Variants in SMPX observed in about 807,000 individuals in gnomAD.
SMPX encodes the protein small muscle protein X-linked.
Under a neutral mutation model 6.3 loss-of-function variants are expected in SMPX, and 2 were observed. That is an observed-to-expected ratio of 0.32 (90% CI 0.13 to 0.99). SMPX has a LOEUF of 0.99. Among genes scored for constraint, SMPX ranks in the 50% least tolerant of loss-of-function variants. The pLI is 0.49. For missense variants in SMPX, 60 were observed against 66.8 expected, an observed-to-expected ratio of 0.90 and a Z score of 0.36; for synonymous variants, 32 against 24.7, an observed-to-expected ratio of 1.30 and a Z score of -0.88.
chrX:21,749,320 A>G (rs965183892), intron 2 of SMPX, among the ~76,000 whole-genome samples: 1 of 112,420 alleles, frequency 8.9e-6, no homozygotes, highest in Non-Finnish European at 1.9e-5. Context: ...TGTACTTTTA[A>G]CTCGAAGCCA....
At chrX:21,718,712 C>A (rs1240142818) in intron 4 of SMPX, among the ~76,000 whole-genome samples, 1 of 111,666 alleles carries the variant, frequency 9.0e-6, no homozygotes, top group Non-Finnish European at 1.9e-5. Context: ...AATGATTTAA[C>A]CATAAATAAA....
intron 4 of SMPX, chrX:21,727,384 A>G (rs1360721283): frequency 8.9e-6 from 1 of 112,050 alleles, no homozygotes; most frequent in Non-Finnish European, 1.9e-5. Flanking sequence ...GATTCTTATC[A>G]TCTGTATCCA....
chrX:21,717,807 T>A (rs1028838797), intron 4 of SMPX, among the ~76,000 whole-genome samples: 23 of 112,322 alleles, frequency 2.0e-4, no homozygotes, highest in African/African-American at 7.4e-4. Flanking sequence ...AAAATAGTAT[T>A]TAACTGAGAC....
chrX:21,727,215 T>A (rs376270454), intron 4 of SMPX: 2 of 112,840 alleles, frequency 1.8e-5, no homozygotes, highest in East Asian at 5.5e-4. Flanking sequence ...AAGAAGAAGG[T>A]TAATTTGGCC....
chrX:21,756,835 C>A (rs769049567), intron 1 of SMPX, among the ~76,000 whole-genome samples: 1 of 112,657 alleles, frequency 8.9e-6, no homozygotes, highest in South Asian at 3.7e-4. Context: ...GTTCTGGCTA[C>A]AGTTTTGAAA....
At position 21,715,306 on chromosome X, in the gene SMPX, G is replaced by A. The variant is rs867006817; in HGVS notation, c.*15-8912C>T. On this transcript the variant is annotated intron_variant, in intron 4 of 4. Transcript: ENST00000379494. ...TGTGTGTGTGTGTGTGTGTGTGTGC[G>A]CGCACGCGCGCGCGCTCGCGCGCTG... is the stretch of plus-strand genomic sequence containing the variant. Among the ~76,000 whole-genome samples the A allele has an allele frequency of 1.7e-3, 162 of 97,084 alleles. 1 individual carries two copies. The highest frequency in any genetic ancestry group is 2.7e-3 in the Non-Finnish European group (143 of 52,151). 84.3% of individuals were successfully genotyped at this position (97,084 alleles called of 115,157 possible). A position where few individuals can be genotyped will look rare whatever the true frequency, so the allele number is the denominator to read the frequency against.
Position 21,737,611 on chromosome X carries a change from G to T in SMPX, c.219C>A (p.Ile73=), listed in dbSNP as rs764859213. Residue 73 remains isoleucine, a synonymous_variant, in exon 4 of 5, where the codon ATC becomes ATA. Coordinates refer to ENST00000379494, the MANE Select transcript of SMPX (RefSeq NM_014332.3). The part of the protein sequence containing the change: ...LPGPAVNLSE[I]QNIKSELKYV... ...ATTTTAGTTCACTTTTAATATTCTG[G>T]ATTTCCGATAGATTGACTGCAGGTC... is the stretch of plus-strand genomic sequence containing the variant. The T allele has an allele frequency of 2.5e-6, 3 of 1,205,061 alleles. No individual in the cohort carries two copies. The South Asian group carries it at 5.3e-5, about 21-fold the overall frequency.
intron 4 of SMPX, among the ~76,000 whole-genome samples, chrX:21,720,927 G>A (rs2092791033): frequency 8.9e-6 from 1 of 112,583 alleles, no homozygotes; most frequent in South Asian, 3.7e-4. Context: ...AATGGAATGG[G>A]CACTTATTTG....
intron 4 of SMPX, among the ~76,000 whole-genome samples, chrX:21,721,164 A>G (rs1192267705): frequency 1.8e-5 from 2 of 112,056 alleles, no homozygotes; most frequent in South Asian, 3.8e-4. Flanking sequence ...AGTGACATTG[A>G]TAGTCCCCTA....
intron 4 of SMPX, among the ~76,000 whole-genome samples, chrX:21,720,994 A>T (rs530315334): frequency 2.7e-5 from 3 of 112,567 alleles, no homozygotes; most frequent in South Asian, 7.4e-4. Flanking sequence ...TCTGAAGGGA[A>T]TAATGGCCCT....
intron 1 of SMPX, among the ~76,000 whole-genome samples, chrX:21,756,652 C>A (rs2147397992): frequency 8.9e-6 from 1 of 112,795 alleles, no homozygotes; most frequent in Non-Finnish European, 1.9e-5. Context: ...CCCCTGCAGT[C>A]ACCTCTATCA....
intron 4 of SMPX, among the ~76,000 whole-genome samples, chrX:21,728,833 C>T (rs956443150): frequency 6.3e-5 from 7 of 111,888 alleles, no homozygotes; most frequent in Admixed American, 2.8e-4. Flanking sequence ...TGTAGTAATA[C>T]CCCATGCAGT....
At chrX:21,731,428 T>TAATGTGTGTATGTGTACACATACACATA (rs762279473) in intron 4 of SMPX, among the ~76,000 whole-genome samples, 1 of 52,734 alleles carries the variant, frequency 1.9e-5, no homozygotes, top group African/African-American at 7.5e-5. Context: ...TACACACATA[T>TAATGTGTGTATGTGTACACATACACATA]ATGTGTGTAT....
At chrX:21,741,027 A>G (rs2092815459) in intron 3 of SMPX, among the ~76,000 whole-genome samples, 1 of 112,339 alleles carries the variant, frequency 8.9e-6, no homozygotes, top group African/African-American at 3.2e-5. Context: ...TGTTGGGCAC[A>G]TGCCCATCTG....
chrX:21,713,885 T>A (rs1199681074), intron 4 of SMPX, among the ~76,000 whole-genome samples: 1 of 112,341 alleles, frequency 8.9e-6, no homozygotes, highest in Non-Finnish European at 1.9e-5. Flanking sequence ...AACACCAAAA[T>A]TTCACTTAAA....
chrX:21,743,926 G>T, intron 2 of SMPX, 90 bp from the exon 3 acceptor site: 1 of 672,836 alleles, frequency 1.5e-6, no homozygotes, highest in Non-Finnish European at 2.4e-6. Flanking sequence ...AGAAAAATGC[G>T]TCTGAAAAGT....
chrX:21,744,306 C>T (rs1042012437), intron 2 of SMPX, among the ~76,000 whole-genome samples: 1 of 111,732 alleles, frequency 8.9e-6, no homozygotes, highest in African/African-American at 3.3e-5. Context: ...GCTACTTCCT[C>T]CTTTCCATAA....
chrX:21,741,519 G>T (rs1252436416), intron 3 of SMPX, among the ~76,000 whole-genome samples: 1 of 111,413 alleles, frequency 9.0e-6, no homozygotes, highest in Non-Finnish European at 1.9e-5. Flanking sequence ...CCCACCCTGT[G>T]GCCAAGCCAA....
chrX:21,739,533 T>G (rs764841871), intron 3 of SMPX, among the ~76,000 whole-genome samples: 3 of 112,435 alleles, frequency 2.7e-5, no homozygotes, highest in African/African-American at 6.5e-5. Context: ...AGCTGTTTTT[T>G]GTCATGCACA....
Sources: gnomAD v4.1 joint callset for allele counts (sites outside exome capture counted in the v4.1 genomes callset) on GRCh38, gnomAD v4.1.1 for gene constraint, MANE v1.5 for transcripts, NCBI Gene and HGNC (gene_info 2026-07-23, HGNC 2026-07-21) for gene names.